AK7: variants seen among roughly 807,000 people sequenced by gnomAD.
The protein encoded by AK7 is adenylate kinase 7.
In AK7, 78 loss-of-function variants were observed where a neutral mutation model predicts 96.6. The observed-to-expected ratio is 0.81, with a 90% CI of 0.67 to 0.97. The LOEUF is 0.97. Ranked by LOEUF, AK7 falls within the 50% of genes least tolerant of loss-of-function variation. AK7 has a pLI of 0.00. For missense variants in AK7, 855 were observed against 887.9 expected (o/e 0.96, Z 0.47); for synonymous variants, 302 against 317.2 (o/e 0.95, Z 0.51).
intron 12 of AK7, among the ~76,000 whole-genome samples, chr14:96,467,046 TAAA>T (rs11295444): frequency 2.2e-5 from 3 of 137,962 alleles, no homozygotes; most frequent in Non-Finnish European, 3.1e-5. Context: ...GACGAATATG[TAAA>T]AAAAAAAAAA....
At chr14:96,395,693 A>G (rs1890026306) in intron 1 of AK7, among the ~76,000 whole-genome samples, 1 of 128,762 alleles carries the variant, frequency 7.8e-6, no homozygotes, top group Non-Finnish European at 1.6e-5. Context: ...AGGTATACAT[A>G]GGGCAGAGTA....
rs1242551471 is a variant in AK7, at chr14:96,488,039, A to G, written c.2134-266A>G. Reference sequence around the variant, plus strand: ...GTGATTCTCCTGCCTTAGCCTCCCAAGTAGCTGGGATTACAGGCGCCTGCC... The same window carrying G: ...GTGATTCTCCTGCCTTAGCCTCCCAGGTAGCTGGGATTACAGGCGCCTGCC... On this transcript the variant is annotated intron_variant, in intron 17 of 17. Transcript: ENST00000267584. The G allele has an allele frequency of 2.5e-6, 1 of 400,324 alleles. No homozygotes were observed. The highest frequency in any genetic ancestry group is 3.7e-5 in the Admixed American group (1 of 27,156). 24.8% of individuals were successfully genotyped at this position (400,324 alleles called of 1,614,324 possible). A position where few individuals can be genotyped will look rare whatever the true frequency, so the allele number is the denominator to read the frequency against.
At chr14:96,475,855 T>C (rs1281454629) in intron 14 of AK7, among the ~76,000 whole-genome samples, 2 of 152,212 alleles carry the variant, frequency 1.3e-5, no homozygotes, top group East Asian at 1.9e-4. Context: ...GGCATGTGCC[T>C]GTGGTCCCAG....
chr14:96,442,665 T>G, intron 6 of AK7, 65 bp from the exon 7 acceptor site: 1 of 1,229,868 alleles, frequency 8.1e-7, no homozygotes, highest in East Asian at 2.3e-5. Context: ...TGTAGACTTA[T>G]GTGTGAGCTG....
chr14:96,449,420 G>GTGTT (rs72383489), intron 8 of AK7, among the ~76,000 whole-genome samples: 16,423 of 151,706 alleles, frequency 0.11, 969 homozygotes, highest in East Asian at 0.15. Context: ...TCATTTGAGG[G>GTGTT]TGTTTGTTTG....
chr14:96,458,259 C>G (rs779026763), intron 12 of AK7, 47 bp downstream of exon 12: 1 of 1,574,472 alleles, frequency 6.4e-7, no homozygotes, highest in Non-Finnish European at 8.6e-7. Context: ...TGAACAGTGG[C>G]TATTTTTAAA....
chr14:96,406,593 T>C (rs954118297), intron 3 of AK7, among the ~76,000 whole-genome samples: 3 of 152,008 alleles, frequency 2.0e-5, no homozygotes, highest in African/African-American at 7.3e-5. Context: ...GGGTATGGGG[T>C]TGGTAGGGCA....
At chr14:96,425,941 G>T (rs1221959651) in intron 5 of AK7, among the ~76,000 whole-genome samples, 3 of 152,110 alleles carry the variant, frequency 2.0e-5, no homozygotes, top group Non-Finnish European at 2.9e-5. Context: ...ACAGATCAAT[G>T]TGTCTTGTTT....
intron 12 of AK7, among the ~76,000 whole-genome samples, chr14:96,470,291 G>C (rs1323125875): frequency 1.3e-5 from 2 of 151,984 alleles, no homozygotes; most frequent in African/African-American, 4.8e-5. Flanking sequence ...GGGAGTCACT[G>C]ATAAGGTAAA....
At chr14:96,444,935 CTCGA>C (rs1423498055) in intron 7 of AK7, among the ~76,000 whole-genome samples, 1 of 152,194 alleles carries the variant, frequency 6.6e-6, no homozygotes, top group Non-Finnish European at 1.5e-5. Flanking sequence ...TCAGGCTGGT[CTCGA>C]ACTCCTGATC....
chr14:96,455,551 G>C (rs1893850198), intron 10 of AK7, among the ~76,000 whole-genome samples: 1 of 152,128 alleles, frequency 6.6e-6, no homozygotes, highest in Non-Finnish European at 1.5e-5. Context: ...TAGTATTCAG[G>C]CAGTAAATTA....
intron 8 of AK7, 115 bp downstream of exon 8, chr14:96,446,722 C>T (rs1893255642): frequency 2.5e-6 from 2 of 806,550 alleles, no homozygotes; most frequent in Non-Finnish European, 4.1e-6. Context: ...GGGTGGATCA[C>T]CTGAGGTCAG....
chr14:96,454,446 T>C (rs1740142668), intron 10 of AK7, among the ~76,000 whole-genome samples: 1 of 152,114 alleles, frequency 6.6e-6, no homozygotes, highest in Admixed American at 6.6e-5. Context: ...ATGGTGTTTT[T>C]TTTTTTAATG....
At chr14:96,487,327 T>C (rs1304854785) in intron 17 of AK7, among the ~76,000 whole-genome samples, 1 of 110,750 alleles carries the variant, frequency 9.0e-6, no homozygotes, top group Non-Finnish European at 1.7e-5. Flanking sequence ...GAGGTTGCAG[T>C]GAGCCGAGAT....
Position 96,487,014 on chromosome 14 carries a change from T to G in AK7, c.2091T>G (p.Asn697Lys), listed in dbSNP as rs772682094. 1.9e-6 allele frequency: 3 copies of G among 1,614,142 alleles called. No individual in the cohort carries two copies. The Admixed American group carries it at 5.0e-5, about 27-fold the overall frequency. Residue 697 changes from asparagine to lysine, a missense_variant, in exon 17 of 18, where the codon AAT (asparagine) becomes AAG (lysine). Physicochemically the swap from Asn to Lys is moderately conservative, Grantham distance 94 (BLOSUM62 0). Coordinates refer to ENST00000267584, the MANE Select transcript of AK7 (RefSeq NM_152327.5). The part of the protein sequence containing the change: ...YVMPTLIQGL[N>K]ECCNVRPEDP... ...TGCCAACTCTTATTCAGGGCCTGAATGAATGTTGCAACGTCCGACCCGAAG... is the reference window on the plus strand; with the variant it reads ...TGCCAACTCTTATTCAGGGCCTGAAGGAATGTTGCAACGTCCGACCCGAAG...
In AK7 at chr14:96,449,894, T is replaced by TG. The variant is rs748380147; in HGVS notation, c.948+16dup. On this transcript the variant is annotated intron_variant, in intron 9 of 17. Coordinates refer to ENST00000267584, the MANE Select transcript of AK7 (RefSeq NM_152327.5). ...AGGACTTAACGGTTAGTATATGCGG[T>TG]GTTTTTTTTTTTTTAACTATCTTTC... 25 of 1,404,112 alleles carry TG rather than the reference T, an allele frequency of 1.8e-5. No individual in the cohort carries two copies. Among genetic ancestry groups the TG allele is most frequent in the African/African-American group, 3.0e-5 (1 of 33,828 alleles). The allele number at this position is 1,404,112 out of a possible 1,614,324, so 87.0% of individuals were successfully genotyped here. A position where few individuals can be genotyped will look rare whatever the true frequency, so the allele number is the denominator to read the frequency against.
At chr14:96,401,775 T>C (rs1177709089) in intron 2 of AK7, among the ~76,000 whole-genome samples, 2 of 152,236 alleles carry the variant, frequency 1.3e-5, no homozygotes. Context: ...TCACCTGCTA[T>C]TCCCTGAGCA....
At chr14:96,467,632 G>A (rs1177591465) in intron 12 of AK7, among the ~76,000 whole-genome samples, 3 of 152,098 alleles carry the variant, frequency 2.0e-5, no homozygotes, top group Non-Finnish European at 4.4e-5. Context: ...GAGCCACCCT[G>A]CCCGGCTGCT....
chr14:96,484,408 G>T (rs1270147932), intron 16 of AK7, among the ~76,000 whole-genome samples: 1 of 152,136 alleles, frequency 6.6e-6, no homozygotes, highest in East Asian at 1.9e-4. Flanking sequence ...GCTGCCAGGT[G>T]ATCCTTCCAA....
Sources: allele counts gnomAD v4.1 joint callset (sites outside exome capture counted in the v4.1 genomes callset), GRCh38; gene constraint gnomAD v4.1.1; transcripts MANE v1.5; gene names NCBI Gene and HGNC (gene_info 2026-07-23, HGNC 2026-07-21).